The following PLCH1 variants were observed in gnomAD, a reference collection of about 807,000 sequenced individuals.
The protein encoded by PLCH1 is phospholipase C eta 1, also known as 1-phosphatidylinositol 4,5-bisphosphate phosphodiesterase eta-1.
In PLCH1, 60 loss-of-function variants were observed where a neutral mutation model predicts 126.7. That is an observed-to-expected ratio of 0.47 (90% confidence interval 0.38 to 0.59). The LOEUF (loss-of-function observed/expected upper bound fraction) is 0.59. Among genes scored for constraint, PLCH1 ranks in the 20% least tolerant of loss-of-function variants. The probability of loss-of-function intolerance (pLI) is 0.00; values close to 1 mark genes in which losing one functional copy is unlikely to be tolerated. For synonymous variants in PLCH1, 719 were observed against 734.9 expected, an observed-to-expected ratio of 0.98 and a Z score of 0.35; for missense variants, 1,723 against 2,040.0, an observed-to-expected ratio of 0.84 and a Z score of 2.99.
chr3:155,516,926 C>T (rs6790399), intron 11 of PLCH1, among the ~76,000 whole-genome samples: 13,499 of 151,982 alleles, frequency 0.089, 657 homozygotes, highest in African/African-American at 0.11. Flanking sequence ...ACAGAGGAGG[C>T]GCAACTTGTC....
intron 10 of PLCH1, among the ~76,000 whole-genome samples, chr3:155,546,862 T>A (rs1725362525): frequency 1.4e-5 from 2 of 144,774 alleles, no homozygotes; most frequent in African/African-American, 5.1e-5. Context: ...CTGGATCCCT[T>A]CCTTACACCT....
intron 16 of PLCH1, 33 bp downstream of exon 16, chr3:155,494,305 A>G: frequency 6.2e-7 from 1 of 1,612,616 alleles, no homozygotes; most frequent in Non-Finnish European, 8.5e-7. Context: ...GTGAGAATAT[A>G]CAGAGAACCA....
At chr3:155,494,025 G>A (rs1716639750) in intron 17 of PLCH1, 116 bp downstream of exon 17, 1 of 723,384 alleles carries the variant, frequency 1.4e-6, no homozygotes, top group Non-Finnish European at 2.3e-6. Context: ...AAAAAAAAAA[G>A]TTGAAAAACT....
intron 13 of PLCH1, 37 bp downstream of exon 13, chr3:155,504,518 A>G (rs780990189): frequency 1.8e-6 from 2 of 1,112,210 alleles, no homozygotes; most frequent in Admixed American, 3.5e-5. Flanking sequence ...TCTTTAAATT[A>G]ACTGAAGTAT....
chr3:155,570,996 T>C (rs1310494644), intron 6 of PLCH1, among the ~76,000 whole-genome samples: 3 of 152,202 alleles, frequency 2.0e-5, no homozygotes, highest in Admixed American at 2.0e-4. Context: ...AAAGACTCAC[T>C]GGTCCTCACA....
At chr3:155,505,093 CA>C (rs1260127926) in intron 12 of PLCH1, among the ~76,000 whole-genome samples, 1 of 152,168 alleles carries the variant, frequency 6.6e-6, no homozygotes. Flanking sequence ...ATTGACTAAA[CA>C]GTGCTATGTG....
At chr3:155,668,747 G>A (rs1219356037) in intron 2 of PLCH1, among the ~76,000 whole-genome samples, 1 of 152,050 alleles carries the variant, frequency 6.6e-6, no homozygotes, top group South Asian at 2.1e-4. Context: ...ACAAAAATTA[G>A]CCAGGTATGG....
In PLCH1 at chr3:155,734,414, C is replaced by T. The variant is rs1487425985; in HGVS notation, c.-41+10426G>A. Among the ~76,000 whole-genome samples the T allele has an allele frequency of 5.3e-5, 8 of 152,072 alleles. No individual in the cohort carries two copies. In the South Asian group the frequency reaches 8.3e-4, roughly 16 times the overall value. ...GGTCAAGACTGCAGTGAGCCATGAT[C>T]GCACCATTGTACTCCAGACTGGGCA... On this transcript the variant is annotated intron_variant, in intron 1 of 22. Transcript: ENST00000460012.
chr3:155,470,721 G>A lies in PLCH1; in HGVS notation c.2938+14635C>T, dbSNP rs969915902. Among the ~76,000 whole-genome samples, 423 of 152,138 alleles carry A rather than the reference G, an allele frequency of 2.8e-3. 1 individual carries two copies. The highest frequency in any genetic ancestry group is 3.9e-3 in the Non-Finnish European group (265 of 67,988). On this transcript the variant is annotated intron_variant, in intron 21 of 21. Transcript: ENST00000494598. ...AAGGGAAGCCCACCAGACTAACAGC[G>A]GATCTCTCGGCAGAAACCCTACAAG...
chr3:155,475,022 A>G (rs1175962153), downstream of PLCH1, among the ~76,000 whole-genome samples: 1 of 148,276 alleles, frequency 6.7e-6, no homozygotes, highest in Non-Finnish European at 1.5e-5. Flanking sequence ...GCACATGTAT[A>G]CATATGTAAC....
At chr3:155,707,677 G>T (rs1746783643) in intron 1 of PLCH1, among the ~76,000 whole-genome samples, 1 of 151,652 alleles carries the variant, frequency 6.6e-6, no homozygotes, top group Admixed American at 6.6e-5. Context: ...AAAAAAAACG[G>T]TGAAAGATAA....
At chr3:155,486,266 C>T in intron 21 of PLCH1, 1 of 1,019,690 alleles carries the variant, frequency 9.8e-7, no homozygotes, top group East Asian at 2.6e-5. Context: ...AAGAGGGTGT[C>T]ACAAGTAAAC....
intron 11 of PLCH1, among the ~76,000 whole-genome samples, chr3:155,523,520 C>CA (rs34623988): frequency 0.49 from 75,041 of 151,926 alleles, 19,302 homozygotes; most frequent in Middle Eastern, 0.6. Context: ...CCAGCCTTGA[C>CA]AGGGAGCATG....
intron 2 of PLCH1, among the ~76,000 whole-genome samples, chr3:155,599,015 G>GC (rs1282246545): frequency 1.2e-5 from 1 of 80,270 alleles, no homozygotes; most frequent in Non-Finnish European, 2.4e-5. Context: ...CTCTCCACCC[G>GC]CCCCCCTCCC....
At chr3:155,659,343 T>C (rs13075428) in intron 2 of PLCH1, among the ~76,000 whole-genome samples, 82 of 125,022 alleles carry the variant, frequency 6.6e-4, no homozygotes, top group Non-Finnish European at 1.0e-3. Flanking sequence ...TTTTTTTTTT[T>C]CCGAGATAGG....
intron 21 of PLCH1, among the ~76,000 whole-genome samples, chr3:155,458,350 A>G (rs1712518880): frequency 6.9e-6 from 1 of 145,006 alleles, no homozygotes; most frequent in Non-Finnish European, 1.5e-5. Context: ...TCAAAAAAAA[A>G]AAAAAAAAGA....
At chr3:155,703,997 C>A in intron 2 of PLCH1, 149 bp downstream of exon 2, 1 of 399,358 alleles carries the variant, frequency 2.5e-6, no homozygotes, top group South Asian at 1.4e-4. Context: ...TGCAATGGGA[C>A]TTCTTGGGTA....
In PLCH1 at chr3:155,466,064, C is replaced by T. The variant is rs181527370; in HGVS notation, c.2938+19292G>A. Among the ~76,000 whole-genome samples the T allele has an allele frequency of 3.9e-4, 59 of 152,332 alleles. 1 individual carries two copies. The East Asian group carries it at 5.2e-3, about 13-fold the overall frequency. ...CCACCTAGGGTCTATGAGATTTCAC[C>T]GCCCTGAAAGGTGGGACCCAGGCAT... is the stretch of plus-strand genomic sequence containing the variant. On this transcript the variant is annotated intron_variant, in intron 21 of 21. Transcript: ENST00000494598.
At position 155,525,702 on chromosome 3, in the gene PLCH1, G is replaced by T. The variant is rs536178930; in HGVS notation, c.1363-1698C>A. ...AGCTTGAGCACCTCCCCCAGGACCA[G>T]GCCACTCTTGACTTACCTAACAACA... is the stretch of plus-strand genomic sequence containing the variant. On this transcript the variant is annotated intron_variant, in intron 10 of 22. Coordinates refer to ENST00000460012, the MANE Select transcript of PLCH1 (RefSeq NM_014996.4). Among the ~76,000 whole-genome samples, 4 of 152,230 alleles carry T rather than the reference G, an allele frequency of 2.6e-5. No individual in the cohort carries two copies. In the East Asian group the frequency reaches 7.7e-4, roughly 29 times the overall value.
Sources: allele counts gnomAD v4.1 joint callset (sites outside exome capture counted in the v4.1 genomes callset), GRCh38; gene constraint gnomAD v4.1.1; transcripts MANE v1.5; gene names NCBI Gene and HGNC (gene_info 2026-07-23, HGNC 2026-07-21).